Variants in GOSR1 observed in about 807,000 individuals in gnomAD.
The protein encoded by GOSR1 is golgi SNAP receptor complex member 1.
A neutral mutation model predicts 35.5 loss-of-function variants in GOSR1; 21 were observed. That is an observed-to-expected ratio of 0.59 (90% CI 0.42 to 0.85). The LOEUF is 0.85. Among genes scored for constraint, GOSR1 ranks in the 40% least tolerant of loss-of-function variants. The pLI is 0.00. For synonymous variants in GOSR1, 94 were observed against 106.6 expected, an observed-to-expected ratio of 0.88 and a Z score of 0.73; for missense variants, 285 against 309.6, an observed-to-expected ratio of 0.92 and a Z score of 0.60.
intron 6 of GOSR1, among the ~76,000 whole-genome samples, chr17:30,499,534 G>T (rs1223454146): frequency 1.3e-5 from 2 of 152,020 alleles, no homozygotes; most frequent in Admixed American, 6.6e-5. Context: ...GTAGAGACGG[G>T]GTTTCACGGT....
At chr17:30,482,183 A>G (rs1202220964) in intron 2 of GOSR1, among the ~76,000 whole-genome samples, 2 of 151,868 alleles carry the variant, frequency 1.3e-5, no homozygotes, top group South Asian at 2.1e-4. Flanking sequence ...ATAGTATTCT[A>G]TTATGTTATA....
intron 6 of GOSR1, among the ~76,000 whole-genome samples, chr17:30,498,928 A>G (rs1437629675): frequency 6.6e-6 from 1 of 152,210 alleles, no homozygotes; most frequent in Non-Finnish European, 1.5e-5. Context: ...TAACAAATAT[A>G]TAGACTCTTT....
At chr17:30,484,550 GTT>G in intron 3 of GOSR1, 111 bp from the exon 4 acceptor site, 1 of 637,392 alleles carries the variant, frequency 1.6e-6, no homozygotes, top group Non-Finnish European at 2.8e-6. Context: ...GTTTTGTTTT[GTT>G]TTGTTTTGTT....
chr17:30,518,565 C>A (rs1967903857), intron 7 of GOSR1, among the ~76,000 whole-genome samples: 1 of 152,172 alleles, frequency 6.6e-6, no homozygotes, highest in African/African-American at 2.4e-5. Flanking sequence ...TGACCCTGCC[C>A]TCTAGGGCTC....
chr17:30,483,946 G>A (rs540605363), intron 2 of GOSR1, among the ~76,000 whole-genome samples: 7 of 152,262 alleles, frequency 4.6e-5, no homozygotes, highest in Admixed American at 6.5e-5. Flanking sequence ...CTGAGTATTC[G>A]TTAGCTAGTT....
chr17:30,513,363 A>G (rs1162146824), intron 7 of GOSR1, among the ~76,000 whole-genome samples: 1 of 152,214 alleles, frequency 6.6e-6, no homozygotes, highest in Non-Finnish European at 1.5e-5. Context: ...ATGATTTATC[A>G]TTTTAAAAGC....
intron 7 of GOSR1, chr17:30,519,711 G>C (rs955028583): frequency 2.6e-6 from 1 of 385,472 alleles, no homozygotes; most frequent in East Asian, 4.1e-5. Flanking sequence ...AGCAAACATA[G>C]GAAGTGGCTT....
At chr17:30,481,367 G>T in intron 2 of GOSR1, 110 bp downstream of exon 2, 7 of 715,700 alleles carry the variant, frequency 9.8e-6, no homozygotes, top group South Asian at 7.6e-5. Context: ...GTGAATTTTT[G>T]GTGTTTTGTT....
chr17:30,477,668 G>A (rs1914030322), intron 1 of GOSR1: 5 of 985,232 alleles, frequency 5.1e-6, no homozygotes, highest in Middle Eastern at 1.0e-3. Context: ...GGGCGTGTGA[G>A]CGGGACGTGG....
At chr17:30,496,504 G>GT (rs1323615555) in intron 6 of GOSR1, among the ~76,000 whole-genome samples, 1 of 151,258 alleles carries the variant, frequency 6.6e-6, no homozygotes, top group African/African-American at 2.5e-5. Context: ...CTTCTCTTTT[G>GT]TTTTTTTCCT....
Position 30,503,937 on chromosome 17 carries a change from G to A in GOSR1, c.510-6943G>A, listed in dbSNP as rs1349083298. Among the ~76,000 whole-genome samples the A allele has an allele frequency of 2.6e-5, 4 of 152,112 alleles. No individual in the cohort carries two copies. The South Asian group carries it at 6.2e-4, about 24-fold the overall frequency. On this transcript the variant is annotated intron_variant, in intron 6 of 8. Transcript: ENST00000451249. ...TAATAAAAGATGACTGATGTGTAAG[G>A]GGACTTAAAAGGAAGAAAAACCCCT...
chr17:30,481,411 T>C (rs866010612), intron 2 of GOSR1, 154 bp downstream of exon 2: 2 of 492,054 alleles, frequency 4.1e-6, no homozygotes, highest in Admixed American at 6.7e-5. Context: ...TAGTGACTTA[T>C]TAAAATTCTT....
intron 6 of GOSR1, among the ~76,000 whole-genome samples, chr17:30,506,885 CA>C (rs1185784601): frequency 2.0e-5 from 3 of 152,158 alleles, no homozygotes; most frequent in Non-Finnish European, 4.4e-5. Flanking sequence ...CAGTTATGCT[CA>C]ATCTACCCTG....
chr17:30,487,933 G>A (rs888723585), intron 4 of GOSR1, among the ~76,000 whole-genome samples: 2 of 151,780 alleles, frequency 1.3e-5, no homozygotes, highest in African/African-American at 2.4e-5. Flanking sequence ...GCGCCACCAC[G>A]CCCAGCTAAT....
chr17:30,503,576 C>T (rs1967291959), intron 6 of GOSR1, among the ~76,000 whole-genome samples: 1 of 152,326 alleles, frequency 6.6e-6, no homozygotes, highest in Admixed American at 6.5e-5. Context: ...ACTCTGTTGT[C>T]GTGTCCACAC....
At position 30,519,985 on chromosome 17, in the gene GOSR1, T is replaced by C. The variant is rs1473872398; in HGVS notation, c.586T>C (p.Leu196=). ...KENMTSQRGM[L]KSIHSKMNTL... is the part of the protein sequence containing the mutation. ...AAATATGACTTCACAGAGAGGAATG[T>C]TGAAGTCAATTCACAGCAAAATGAA... The change falls in exon 8 of 9, where the codon TTG becomes CTG. Residue 196 remains leucine (L), a synonymous_variant. Transcript: ENST00000451249. The C allele has an allele frequency of 1.9e-6, 3 of 1,610,010 alleles. No homozygotes were observed. The South Asian group carries it at 3.3e-5, about 18-fold the overall frequency.
chr17:30,510,260 G>C (rs1466921436), intron 6 of GOSR1, among the ~76,000 whole-genome samples: 1 of 152,148 alleles, frequency 6.6e-6, no homozygotes, highest in East Asian at 1.9e-4. Context: ...TTTTGGTAGA[G>C]ACAGAGTTTC....
intron 7 of GOSR1, among the ~76,000 whole-genome samples, chr17:30,516,286 C>G (rs1450220628): frequency 6.6e-6 from 1 of 151,834 alleles, no homozygotes; most frequent in Non-Finnish European, 1.5e-5. Flanking sequence ...CTGGCTAACA[C>G]GGTGAAACCC....
Position 30,517,403 on chromosome 17 carries a change from G to A in GOSR1, c.540-2536G>A, listed in dbSNP as rs142750186. 2.5e-3 allele frequency among the ~76,000 whole-genome samples: 375 copies of A among 152,124 alleles called. 1 individual carries two copies. The highest frequency in any genetic ancestry group is 8.7e-3 in the African/African-American group (361 of 41,496). ...CACTGTCATACAAACATCCCCAAGG[G>A]TGTTTGTTTCTGAAAATATTACAGC... is the stretch of plus-strand genomic sequence containing the variant. On this transcript the variant is annotated intron_variant, in intron 7 of 8. Coordinates refer to ENST00000451249, the MANE Select transcript of GOSR1 (RefSeq NM_001007025.2).
Sources: gnomAD v4.1 joint callset for allele counts (sites outside exome capture counted in the v4.1 genomes callset) on GRCh38, gnomAD v4.1.1 for gene constraint, MANE v1.5 for transcripts, NCBI Gene and HGNC (gene_info 2026-07-23, HGNC 2026-07-21) for gene names.